The following EYS variants were observed in gnomAD, a reference collection of about 807,000 sequenced individuals.
EYS encodes the protein protein eyes shut homolog.
EYS carries 250 observed loss-of-function variants against 282.1 expected under a neutral mutation model. The observed-to-expected ratio is 0.89, with a 90% CI of 0.80 to 0.98. The LOEUF is 0.98. Among genes scored for constraint, EYS ranks in the 50% least tolerant of loss-of-function variants. The pLI is 0.00. For missense variants in EYS, 4,016 were observed against 3,709.0 expected (o/e 1.08, Z -2.15); for synonymous variants, 1,355 against 1,282.9 (o/e 1.06, Z -1.20).
intron 31 of EYS, among the ~76,000 whole-genome samples, chr6:64,155,241 G>A (rs1428658777): frequency 1.3e-5 from 2 of 152,104 alleles, no homozygotes; most frequent in Non-Finnish European, 1.5e-5. Flanking sequence ...TGAAGGAATA[G>A]TTTATTTTTG....
intron 12 of EYS, among the ~76,000 whole-genome samples, chr6:65,071,868 G>A (rs1426103132): frequency 1.3e-5 from 2 of 151,714 alleles, no homozygotes; most frequent in African/African-American, 4.8e-5. Context: ...TAGGTTATGA[G>A]GTCTTCACTC....
intron 37 of EYS, 146 bp downstream of exon 37, chr6:63,806,044 C>A: frequency 1.5e-6 from 1 of 654,716 alleles, no homozygotes. Flanking sequence ...TGGACTACAG[C>A]GAACATGCTC....
intron 22 of EYS, chr6:64,631,489 T>C: frequency 6.6e-6 from 1 of 152,200 alleles, no homozygotes; most frequent in East Asian, 1.9e-4. Flanking sequence ...CTATTGTTGC[T>C]GATACTGTTC....
chr6:65,513,358 G>C (rs527600901), intron 2 of EYS, among the ~76,000 whole-genome samples: 5 of 152,084 alleles, frequency 3.3e-5, no homozygotes, highest in Admixed American at 2.0e-4. Flanking sequence ...TTCTACCAGA[G>C]GTACAAGGAG....
chr6:65,544,976 T>C lies in EYS; in HGVS notation c.-332-48983A>G, dbSNP rs527727554. Among the ~76,000 whole-genome samples, 170 of 152,284 alleles carry C rather than the reference T, an allele frequency of 1.1e-3. 1 individual carries two copies. Among genetic ancestry groups the C allele is most frequent in the African/African-American group, 3.4e-3 (143 of 41,590 alleles). On this transcript the variant is annotated intron_variant, in intron 2 of 42. Transcript: ENST00000503581. ...ATTACTAATAATTTTTAAAGTTTTATGTAAAAAGTTATTTTATTCAAAAGT... is the reference window on the plus strand; with the variant it reads ...ATTACTAATAATTTTTAAAGTTTTACGTAAAAAGTTATTTTATTCAAAAGT...
intron 35 of EYS, among the ~76,000 whole-genome samples, chr6:63,971,145 C>T (rs1254114591): frequency 1.3e-5 from 2 of 152,132 alleles, no homozygotes; most frequent in Non-Finnish European, 2.9e-5. Context: ...TAAAGTAGAA[C>T]AGGCAATAGA....
At chr6:65,097,505 C>A (rs114484247) in intron 12 of EYS, among the ~76,000 whole-genome samples, 2,755 of 150,958 alleles carry the variant, frequency 0.018, 73 homozygotes, top group African/African-American at 0.064. Flanking sequence ...GAGTATCCAT[C>A]CAAAATAATT....
chr6:63,725,142 A>G (rs951543206), intron 42 of EYS, among the ~76,000 whole-genome samples: 2 of 152,144 alleles, frequency 1.3e-5, no homozygotes, highest in Non-Finnish European at 2.9e-5. Flanking sequence ...ATTTTCTTAT[A>G]TAAGTGTCAA....
intron 26 of EYS, among the ~76,000 whole-genome samples, chr6:64,583,046 T>C (rs991392743): frequency 9.9e-5 from 15 of 152,264 alleles, no homozygotes; most frequent in Non-Finnish European, 2.2e-4. Context: ...AGTGACATTA[T>C]ATATTGTTAC....
intron 29 of EYS, among the ~76,000 whole-genome samples, chr6:64,375,635 C>T (rs530408279): frequency 6.6e-6 from 1 of 152,154 alleles, no homozygotes; most frequent in South Asian, 2.1e-4. Context: ...AGCTGAAGAG[C>T]CAAATTGACT....
At chr6:65,306,205 C>CTGTCA (rs1349815402) in intron 11 of EYS, among the ~76,000 whole-genome samples, 3 of 152,208 alleles carry the variant, frequency 2.0e-5, no homozygotes, top group African/African-American at 7.2e-5. Context: ...TGACCCCCAC[C>CTGTCA]TGTCATGTTG....
intron 8 of EYS, among the ~76,000 whole-genome samples, chr6:65,379,294 A>T (rs575955519): frequency 6.6e-5 from 10 of 152,228 alleles, no homozygotes; most frequent in African/African-American, 2.4e-4. Context: ...TATCCATGGG[A>T]TGCAAAGATA....
At chr6:65,572,087 A>G (rs1159169365) in intron 2 of EYS, among the ~76,000 whole-genome samples, 1 of 152,120 alleles carries the variant, frequency 6.6e-6, no homozygotes, top group African/African-American at 2.4e-5. Flanking sequence ...GTAAGATACC[A>G]TAATTTTACT....
intron 26 of EYS, among the ~76,000 whole-genome samples, chr6:64,487,491 T>C (rs1423599528): frequency 6.6e-6 from 1 of 151,128 alleles, no homozygotes; most frequent in Non-Finnish European, 1.5e-5. Flanking sequence ...GGAATTAATA[T>C]CCATTTAAAA....
intron 22 of EYS, among the ~76,000 whole-genome samples, chr6:64,731,205 G>A (rs1398408051): frequency 6.6e-6 from 1 of 151,962 alleles, no homozygotes; most frequent in Non-Finnish European, 1.5e-5. Context: ...ATACCATCCA[G>A]GACATAGGCA....
rs73765731 is a variant in EYS at position 65,046,713 on chromosome 6, G to A, written c.2137+10901C>T. ...AAATAGACACTATCACCAGCATACA[G>A]GAAAATGTATATTCATTTAAATGTG... On this transcript the variant is annotated intron_variant, in intron 13 of 42. Transcript: ENST00000503581. 6.2e-3 allele frequency among the ~76,000 whole-genome samples: 940 copies of A among 151,934 alleles called. 14 individuals are homozygous for A. Among genetic ancestry groups the A allele is most frequent in the African/African-American group, 0.02 (845 of 41,492 alleles).
chr6:64,691,634 T>G (rs1445713631), intron 22 of EYS, among the ~76,000 whole-genome samples: 2 of 152,072 alleles, frequency 1.3e-5, no homozygotes, highest in African/African-American at 4.8e-5. Flanking sequence ...TATAGGTCAT[T>G]TTTTTAGCCC....
chr6:64,837,388 A>T (rs773306766), intron 19 of EYS, among the ~76,000 whole-genome samples: 2 of 151,380 alleles, frequency 1.3e-5, no homozygotes, highest in Non-Finnish European at 3.0e-5. Context: ...AAAGGGGGGA[A>T]AATTGAAATC....
chr6:64,548,498 A>T (rs1355297265), intron 26 of EYS, among the ~76,000 whole-genome samples: 2 of 152,216 alleles, frequency 1.3e-5, no homozygotes, highest in African/African-American at 2.4e-5. Flanking sequence ...CTATTCAGTC[A>T]TAAAAAAGGA....
Sources: gnomAD v4.1 joint callset for allele counts (sites outside exome capture counted in the v4.1 genomes callset) on GRCh38, gnomAD v4.1.1 for gene constraint, MANE v1.5 for transcripts, NCBI Gene and HGNC (gene_info 2026-07-23, HGNC 2026-07-21) for gene names.